The following DCHS2 variants were observed in gnomAD, a reference collection of about 807,000 sequenced individuals.
DCHS2 encodes protocadherin-23.
In DCHS2, 142 loss-of-function variants were observed where a neutral mutation model predicts 182.4. That is an observed-to-expected ratio of 0.78 (90% CI 0.68 to 0.89). The LOEUF is 0.89. DCHS2 is among the 40% of genes least tolerant of loss of function. The probability of loss-of-function intolerance (pLI) is 0.00; values close to 1 mark genes in which losing one functional copy is unlikely to be tolerated. For synonymous variants in DCHS2, 1,740 were observed against 1,663.3 expected (o/e 1.05, Z -1.12); for missense variants, 4,319 against 4,198.6 (o/e 1.03, Z -0.79).
intron 1 of DCHS2, among the ~76,000 whole-genome samples, chr4:154,386,114 T>C (rs1357125586): frequency 6.6e-6 from 1 of 152,196 alleles, no homozygotes; most frequent in Non-Finnish European, 1.5e-5. Flanking sequence ...CACTTTCTGC[T>C]ACACACAGTC....
chr4:154,273,246 T>C (rs1271553683), intron 13 of DCHS2, among the ~76,000 whole-genome samples: 1 of 152,026 alleles, frequency 6.6e-6, no homozygotes, highest in Non-Finnish European at 1.5e-5. Flanking sequence ...TATATATATA[T>C]GCACACACAC....
intron 1 of DCHS2, chr4:154,391,218 T>C: frequency 6.2e-7 from 1 of 1,613,780 alleles, no homozygotes; most frequent in Non-Finnish European, 8.5e-7. Flanking sequence ...TACACAGGCA[T>C]CAGTACTTTC....
chr4:154,443,832 G>A (rs987852762), intron 1 of DCHS2, among the ~76,000 whole-genome samples: 1 of 152,206 alleles, frequency 6.6e-6, no homozygotes, highest in Non-Finnish European at 1.5e-5. Context: ...AAAGTGAGGA[G>A]TGTCTTCTTC....
At chr4:154,488,932 G>GTA (rs1560788215) in intron 1 of DCHS2, among the ~76,000 whole-genome samples, 4 of 145,042 alleles carry the variant, frequency 2.8e-5, no homozygotes, top group African/African-American at 1.0e-4. Context: ...GTGTGTGTGT[G>GTA]TATACATGTA....
intron 1 of DCHS2, among the ~76,000 whole-genome samples, chr4:154,414,742 A>T (rs1732766401): frequency 6.6e-6 from 1 of 152,180 alleles, no homozygotes; most frequent in Non-Finnish European, 1.5e-5. Flanking sequence ...TGAATATGTA[A>T]AAGTTGATTT....
At position 154,235,828 on chromosome 4, in the gene DCHS2, G is replaced by T; in HGVS notation, c.8824C>A (p.Pro2942Thr). The T allele has an allele frequency of 6.2e-7, 1 of 1,613,954 alleles. No homozygotes were observed. The highest frequency in any genetic ancestry group is 8.5e-7 in the Non-Finnish European group (1 of 1,179,948). The stretch of plus-strand genomic sequence containing the variant: ...TTGTTGAGTTGACTTTTTATTAGGG[G>T]AAGGGCTCTAATCAAATAAATATTT... ...NGNIYLIRAL[P>T]LIKSQLNKED... is the part of the protein sequence containing the mutation. Residue 2942 changes from proline (P) to threonine (T), a missense_variant, in exon 20 of 20, where the codon CCC becomes ACC. Transcript: ENST00000357232.
intron 7 of DCHS2, among the ~76,000 whole-genome samples, chr4:154,325,349 G>A (rs1219226363): frequency 8.0e-6 from 1 of 125,372 alleles, no homozygotes; most frequent in Non-Finnish European, 1.9e-5. Context: ...GTGTGTGTGT[G>A]TGTGTGTGTG....
intron 1 of DCHS2, chr4:154,391,427 C>CAAAACT (rs2110849064): frequency 1.5e-6 from 2 of 1,320,714 alleles, no homozygotes; most frequent in East Asian, 5.2e-5. Context: ...AGAAAGCGTT[C>CAAAACT]AAAACTAAAA....
At chr4:154,312,032 A>G (rs942371013) in intron 10 of DCHS2, among the ~76,000 whole-genome samples, 3 of 152,050 alleles carry the variant, frequency 2.0e-5, no homozygotes, top group African/African-American at 7.2e-5. Context: ...GAAAATTTAT[A>G]TAGAGAGAGC....
At chr4:154,487,140 C>A (rs181277493) in intron 1 of DCHS2, among the ~76,000 whole-genome samples, 9 of 152,332 alleles carry the variant, frequency 5.9e-5, no homozygotes, top group African/African-American at 1.9e-4. Flanking sequence ...TTGTACTATT[C>A]ATACCAAGAT....
At chr4:154,458,144 A>C (rs1317333999) in intron 1 of DCHS2, among the ~76,000 whole-genome samples, 1 of 152,226 alleles carries the variant, frequency 6.6e-6, no homozygotes, top group Non-Finnish European at 1.5e-5. Context: ...ACAAGAGGGG[A>C]AGGTAACTGC....
Position 154,235,459 on chromosome 4 carries a change from C to G in DCHS2, c.9193G>C (p.Val3065Leu), listed in dbSNP as rs1394279233. ...TDDCSNEVVP[V>L]DATPEWLSLI... is the part of the protein sequence containing the mutation. Reference sequence around the variant, plus strand: ...CTCAACCATTCCGGAGTGGCATCCACAGGGACCACCTCGTTACTGCAGTCG... The same window carrying G: ...CTCAACCATTCCGGAGTGGCATCCAGAGGGACCACCTCGTTACTGCAGTCG... Residue 3065 changes from valine (V) to leucine (L), a missense_variant, in exon 20 of 20, where the codon GTG becomes CTG. Transcript: ENST00000357232. 6.2e-7 allele frequency: 1 copy of G among 1,613,970 alleles called. No homozygotes were observed. Among genetic ancestry groups the G allele is most frequent in the Admixed American group, 1.7e-5 (1 of 60,000 alleles).
rs1347830999 is a variant in DCHS2 at position 154,490,685 on chromosome 4, C to A, written c.671G>T (p.Arg224Leu). 7.7e-6 allele frequency: 12 copies of A among 1,551,572 alleles called. No homozygotes were observed. Among genetic ancestry groups the A allele is most frequent in the Non-Finnish European group, 1.0e-5 (12 of 1,146,910 alleles). ...CGGTAGTGGCCCCGGAGTCCGGTAG[C>A]GCAACTGGAAGAACGGGCCTGCGGG... ...KDPAGPFFQL[R>L]YRTPGPLPSP... is the part of the protein sequence containing the mutation. Residue 224 changes from arginine (R) to leucine (L), a missense_variant, in exon 1 of 20, where the codon CGC (arginine) becomes CTC (leucine). By Grantham distance (102) the Arg-to-Leu change is moderately radical. Coordinates refer to ENST00000357232, the MANE Select transcript of DCHS2 (RefSeq NM_001358235.2).
intron 2 of DCHS2, chr4:154,373,935 A>T: frequency 6.2e-7 from 1 of 1,604,048 alleles, no homozygotes; most frequent in South Asian, 1.1e-5. Context: ...CCAGGGCTAA[A>T]TGTGTCATTC....
In DCHS2 at chr4:154,300,547, C is replaced by T. The variant is rs576613375; in HGVS notation, c.5606-1839G>A. Among the ~76,000 whole-genome samples the T allele has an allele frequency of 2.7e-5, 4 of 147,520 alleles. No individual in the cohort carries two copies. The East Asian group carries it at 7.9e-4, about 29-fold the overall frequency. ...AAAAAAAGTTTTTAAGTTATTCAGG[C>T]ATGGTGACATGTGCCTGTATTCCCC... On this transcript the variant is annotated intron_variant, in intron 12 of 19. Coordinates refer to ENST00000357232, the MANE Select transcript of DCHS2 (RefSeq NM_001358235.2).
intron 1 of DCHS2, among the ~76,000 whole-genome samples, chr4:154,425,384 C>T (rs1455675083): frequency 3.3e-5 from 5 of 152,180 alleles, no homozygotes; most frequent in Non-Finnish European, 1.5e-5. Flanking sequence ...GAGCTGAGTG[C>T]ATTTCTTCCA....
intron 7 of DCHS2, among the ~76,000 whole-genome samples, chr4:154,325,062 G>C (rs376185371): frequency 6.6e-6 from 1 of 151,890 alleles, no homozygotes; most frequent in African/African-American, 2.4e-5. Flanking sequence ...AGAATATTTC[G>C]ATGAACACCA....
chr4:154,241,833 G>T lies in DCHS2; in HGVS notation c.7072+809C>A, dbSNP rs537520391. Among the ~76,000 whole-genome samples the T allele has an allele frequency of 7.2e-5, 11 of 152,242 alleles. 1 individual carries two copies. Among genetic ancestry groups the T allele is most frequent in the Middle Eastern group, 6.8e-3 (2 of 294 alleles). ...ACTGGAGAATTTATTTTATTTGTAG[G>T]TTGTAATATTTGTAGATATCTCTAT... On this transcript the variant is annotated intron_variant, in intron 17 of 19. Coordinates refer to ENST00000357232, the MANE Select transcript of DCHS2 (RefSeq NM_001358235.2).
chr4:154,458,266 G>A (rs570323390), intron 1 of DCHS2, among the ~76,000 whole-genome samples: 49 of 151,648 alleles, frequency 3.2e-4, no homozygotes, highest in Non-Finnish European at 5.6e-4. Context: ...TTCTATAACT[G>A]TATTAATAGA....
Sources: allele counts gnomAD v4.1 joint callset (sites outside exome capture counted in the v4.1 genomes callset), GRCh38; gene constraint gnomAD v4.1.1; transcripts MANE v1.5; gene names NCBI Gene and HGNC (gene_info 2026-07-23, HGNC 2026-07-21).